The following RDH8 variants were observed in gnomAD, a reference collection of about 807,000 sequenced individuals.
The protein encoded by RDH8 is retinol dehydrogenase 8, also known as photoreceptor outer segment all-trans retinol dehydrogenase.
In RDH8, 14 loss-of-function variants were observed where a neutral mutation model predicts 22.3. The observed-to-expected ratio is 0.63, with a 90% CI of 0.42 to 0.98. RDH8 has a LOEUF of 0.98. Among genes scored for constraint, RDH8 ranks in the 50% least tolerant of loss-of-function variants. The pLI, the probability that RDH8 is intolerant of heterozygous loss-of-function variation, is 0.00. For missense variants in RDH8, 389 were observed against 409.8 expected (o/e 0.95, Z 0.44); for synonymous variants, 175 against 171.7 (o/e 1.02, Z -0.15).
intron 1 of RDH8, among the ~76,000 whole-genome samples, chr19:10,016,460 G>A (rs912404814): frequency 2.0e-5 from 3 of 146,978 alleles, no homozygotes; most frequent in African/African-American, 7.6e-5. Context: ...AGGCCGCCCG[G>A]CCTTATTTTT....
intron 1 of RDH8, among the ~76,000 whole-genome samples, chr19:10,014,366 A>T (rs914573594): frequency 6.6e-6 from 1 of 152,116 alleles, no homozygotes; most frequent in Non-Finnish European, 1.5e-5. Flanking sequence ...GCAGGGAATA[A>T]CGTGTGTCCC....
intron 3 of RDH8, among the ~76,000 whole-genome samples, chr19:10,019,837 C>A (rs1301791906): frequency 2.0e-5 from 3 of 151,192 alleles, no homozygotes; most frequent in African/African-American, 4.9e-5. Flanking sequence ...AACAAACAAA[C>A]AAAAAACAAC....
chr19:10,018,048 T>C (rs1321448577), intron 2 of RDH8, among the ~76,000 whole-genome samples: 1 of 151,912 alleles, frequency 6.6e-6, no homozygotes, highest in Non-Finnish European at 1.5e-5. Context: ...TGGGTTCAAG[T>C]GATTCTCCTG....
chr19:10,016,124 CTTATTTATTTATTTATTTATTTAT>C (rs139050285), intron 1 of RDH8, among the ~76,000 whole-genome samples: 1 of 142,352 alleles, frequency 7.0e-6, no homozygotes, highest in Non-Finnish European at 1.5e-5. Context: ...GAAACTTTAT[CTTATTTATTTATTTATTTATTTAT>C]TTATTTATTT....
intron 2 of RDH8, among the ~76,000 whole-genome samples, chr19:10,017,457 T>C (rs754636880): frequency 6.6e-6 from 1 of 152,148 alleles, no homozygotes; most frequent in Non-Finnish European, 1.5e-5. Context: ...GACAGGAGGA[T>C]TGACCAGCCT....
rs768165531 is a variant in RDH8, at chr19:10,018,802, G to A, written c.334G>A (p.Asp112Asn). The change falls in exon 3 of 6, where the codon GAC becomes AAC. Residue 112 changes from aspartate to asparagine, a missense_variant. Physicochemically the swap from Asp to Asn is conservative, Grantham distance 23 (BLOSUM62 1). Coordinates refer to ENST00000591589, the MANE Select transcript of RDH8 (RefSeq NM_015725.4). ...LSLAAMQNVF[D>N]TNFFGAVRLV... Reference sequence around the variant, plus strand: ...CCTTGCTGCCATGCAGAATGTCTTTGACACCAACTTTTTCGGAGCTGTCCG... The same window carrying A: ...CCTTGCTGCCATGCAGAATGTCTTTAACACCAACTTTTTCGGAGCTGTCCG... 1.2e-6 allele frequency: 2 copies of A among 1,613,996 alleles called. No individual in the cohort carries two copies. Among genetic ancestry groups the A allele is most frequent in the Non-Finnish European group, 1.7e-6 (2 of 1,179,958 alleles).
chr19:10,017,139 G>A lies in RDH8; in HGVS notation c.186G>A (p.Val62=). ...AGGCTCTGGGGCAGACCCTCACCGT[G>A]GCCCAGCTGGACGTGTGCAGTGATG... ...AGEALGQTLT[V]AQLDVCSDES... Residue 62 remains valine (V), a synonymous_variant, in exon 2 of 6, where the codon GTG becomes GTA. Coordinates refer to ENST00000591589, the MANE Select transcript of RDH8 (RefSeq NM_015725.4). 6.2e-7 allele frequency: 1 copy of A among 1,611,740 alleles called. No individual in the cohort carries two copies. Among genetic ancestry groups the A allele is most frequent in the Non-Finnish European group, 8.5e-7 (1 of 1,178,504 alleles).
rs748488334 is a variant in RDH8 at position 10,021,457 on chromosome 19, G to A, written c.720+19G>A. ...GGTTCAGGTGAGTGAAGGGCCCAGA[G>A]CCCCAAGACGTGGCTCAGGTATGTT... On this transcript the variant is annotated intron_variant, in intron 5 of 5. Transcript: ENST00000591589. 4 of 1,614,072 alleles carry A rather than the reference G, an allele frequency of 2.5e-6. No individual in the cohort carries two copies. Among genetic ancestry groups the A allele is most frequent in the Non-Finnish European group, 3.4e-6 (4 of 1,179,942 alleles).
intron 4 of RDH8, 89 bp downstream of exon 4, chr19:10,020,891 G>T: frequency 1.0e-6 from 1 of 964,440 alleles, no homozygotes; most frequent in South Asian, 1.4e-5. Flanking sequence ...AGACAATGAA[G>T]CTGAGTGCAG....
At position 10,013,615 on chromosome 19, in the gene RDH8, G is replaced by T; in HGVS notation, c.103+15G>T. ...GCGCTACCAGGGTAAGAAGTGCAGG[G>T]TGGCACTAGGAGGCAGCCGGGTGGA... On this transcript the variant is annotated intron_variant, in intron 1 of 5. Coordinates refer to ENST00000591589, the MANE Select transcript of RDH8 (RefSeq NM_015725.4). 6.2e-7 allele frequency: 1 copy of T among 1,613,758 alleles called. No homozygotes were observed.
At chr19:10,016,349 G>A (rs1287801766) in intron 1 of RDH8, among the ~76,000 whole-genome samples, 1 of 150,694 alleles carries the variant, frequency 6.6e-6, no homozygotes, top group Non-Finnish European at 1.5e-5. Context: ...TAGAGACGGG[G>A]TTTCACCATG....
chr19:10,017,022 C>T (rs2087623744), intron 1 of RDH8, 35 bp from the exon 2 acceptor site: 2 of 1,485,572 alleles, frequency 1.3e-6, no homozygotes, highest in Non-Finnish European at 1.8e-6. Flanking sequence ...GAAAGGAGCT[C>T]AGTGCCTGTC....
intron 1 of RDH8, 62 bp from the exon 2 acceptor site, chr19:10,016,995 G>A: frequency 7.0e-7 from 1 of 1,420,908 alleles, no homozygotes; most frequent in Non-Finnish European, 9.3e-7. Context: ...ACAGACACGT[G>A]GCGCCCACAC....
chr19:10,021,476 G>A, intron 5 of RDH8, 38 bp downstream of exon 5: 1 of 1,613,960 alleles, frequency 6.2e-7, no homozygotes, highest in Non-Finnish European at 8.5e-7. Flanking sequence ...CGTGGCTCAG[G>A]TATGTTGCGG....
chr19:10,017,035 T>C, intron 1 of RDH8, 22 bp from the exon 2 acceptor site: 1 of 1,519,038 alleles, frequency 6.6e-7, no homozygotes, highest in Non-Finnish European at 8.9e-7. Flanking sequence ...TGCCTGTCCC[T>C]GCTTTACTCT....
chr19:10,013,530 C>T lies in RDH8; in HGVS notation c.33C>T (p.Ser11=), dbSNP rs567469114. 222 of 1,607,784 alleles carry T rather than the reference C, an allele frequency of 1.4e-4. 2 individuals are homozygous for T. The South Asian group carries it at 1.9e-3, about 13-fold the overall frequency. The change falls in exon 1 of 6, where the codon TCC becomes TCT. Residue 11 remains serine (S), a synonymous_variant. Transcript: ENST00000591589. The stretch of plus-strand genomic sequence containing the variant: ...CTGCACCCCGGACTGTGTTGATCTC[C>T]GGCTGCTCATCAGGAATTGGTCTGG... The part of the protein sequence containing the change: MAAAPRTVLI[S]GCSSGIGLEL...
At chr19:10,015,915 G>C (rs1235197619) in intron 1 of RDH8, among the ~76,000 whole-genome samples, 1 of 151,046 alleles carries the variant, frequency 6.6e-6, no homozygotes, top group Non-Finnish European at 1.5e-5. Context: ...TTGCACCCCT[G>C]TACTCCAGAC....
rs1421583782 is a variant in RDH8 at position 10,013,518 on chromosome 19, TG to T, written c.22del (p.Val8CysfsTer2). On this transcript the variant is annotated frameshift_variant, in exon 1 of 6. Coordinates refer to ENST00000591589, the MANE Select transcript of RDH8 (RefSeq NM_015725.4). LOFTEE classifies it high-confidence loss of function. MAAAPRTVLISGCSSGIG... is the reference protein window; with the variant it reads MAAAPRTXLISGCSSGIG... ...TCAACATGGCCGCTGCACCCCGGACTGTGTTGATCTCCGGCTGCTCATCAGG... is the reference window on the plus strand; with the variant it reads ...TCAACATGGCCGCTGCACCCCGGACTTGTTGATCTCCGGCTGCTCATCAGG... 21 of 1,613,572 alleles carry T rather than the reference TG, an allele frequency of 1.3e-5. No homozygotes were observed. In the African/African-American group the frequency reaches 2.4e-4, roughly 18 times the overall value.
At chr19:10,014,130 C>G (rs2087590533) in intron 1 of RDH8, among the ~76,000 whole-genome samples, 1 of 152,192 alleles carries the variant, frequency 6.6e-6, no homozygotes, top group South Asian at 2.1e-4. Context: ...ACTTGCCCTT[C>G]TGCACCTCTA....
Sources: allele counts gnomAD v4.1 joint callset (sites outside exome capture counted in the v4.1 genomes callset), GRCh38; gene constraint gnomAD v4.1.1; transcripts MANE v1.5; gene names NCBI Gene and HGNC (gene_info 2026-07-23, HGNC 2026-07-21).